The following THRB variants were observed in gnomAD, a reference collection of about 807,000 sequenced individuals.
THRB encodes nuclear receptor subfamily 1 group A member 2.
A neutral mutation model predicts 47.8 loss-of-function variants in THRB; 12 were observed. That is an observed-to-expected ratio of 0.25 (90% CI 0.16 to 0.41). THRB has a LOEUF of 0.41. Ranked by LOEUF, THRB falls within the 10% of genes least tolerant of loss-of-function variation. The probability of loss-of-function intolerance (pLI) is 1.00; values close to 1 mark genes in which losing one functional copy is unlikely to be tolerated. For synonymous variants in THRB, 218 were observed against 212.2 expected (o/e 1.03, Z -0.24); for missense variants, 348 against 589.2 (o/e 0.59, Z 4.24).
chr3:24,261,342 T>C (rs1182386405), intron 3 of THRB, among the ~76,000 whole-genome samples: 1 of 151,736 alleles, frequency 6.6e-6, no homozygotes, highest in Non-Finnish European at 1.5e-5. Flanking sequence ...CTACTAAAAA[T>C]ACAAAAATTA....
intron 1 of THRB, among the ~76,000 whole-genome samples, chr3:24,488,182 T>C (rs1418093953): frequency 1.3e-5 from 2 of 152,256 alleles, no homozygotes; most frequent in Admixed American, 1.3e-4. Context: ...GTCCACACTT[T>C]TGTTTTAATA....
At chr3:24,140,592 T>C (rs1469771871) in intron 8 of THRB, among the ~76,000 whole-genome samples, 1 of 152,186 alleles carries the variant, frequency 6.6e-6, no homozygotes, top group Non-Finnish European at 1.5e-5. Context: ...TTTTTTAATA[T>C]ATAGTCAACT....
chr3:24,455,933 AT>A (rs759768299), intron 1 of THRB, among the ~76,000 whole-genome samples: 2 of 152,184 alleles, frequency 1.3e-5, no homozygotes, highest in Non-Finnish European at 2.9e-5. Context: ...TTTTTAAAGC[AT>A]TTTATCAGCT....
At chr3:24,331,493 A>C (rs894982065) in intron 2 of THRB, among the ~76,000 whole-genome samples, 1 of 152,136 alleles carries the variant, frequency 6.6e-6, no homozygotes, top group Non-Finnish European at 1.5e-5. Flanking sequence ...TTCTCTTTCA[A>C]AGCCTGTAAT....
chr3:24,391,972 T>C (rs555752327), intron 1 of THRB, among the ~76,000 whole-genome samples: 1 of 152,316 alleles, frequency 6.6e-6, no homozygotes, highest in East Asian at 1.9e-4. Context: ...GAAATTGGCA[T>C]GCTCACAATC....
chr3:24,265,841 G>A (rs745820104), intron 3 of THRB, among the ~76,000 whole-genome samples: 1 of 152,038 alleles, frequency 6.6e-6, no homozygotes, highest in Non-Finnish European at 1.5e-5. Context: ...ACTGTTAGAG[G>A]AAAGACAAGC....
chr3:24,400,328 T>C (rs1367951002), intron 1 of THRB, among the ~76,000 whole-genome samples: 1 of 152,096 alleles, frequency 6.6e-6, no homozygotes, highest in Non-Finnish European at 1.5e-5. Flanking sequence ...ACCACTTTAG[T>C]GGAAACAAAG....
chr3:24,166,404 T>C (rs1239451530), intron 5 of THRB, among the ~76,000 whole-genome samples: 1 of 152,150 alleles, frequency 6.6e-6, no homozygotes, highest in African/African-American at 2.4e-5. Flanking sequence ...AAATCTGCTT[T>C]TGAGATTATT....
rs1026533170 is a variant in THRB at position 24,210,410 on chromosome 3, G to T, written c.22+18528C>A. ...CTCACCCAGGTTGGTTTATTTGTTT[G>T]TTTTTTTTTTTTGCTTCTGTGGGGC... On this transcript the variant is annotated intron_variant, in intron 4 of 10. Transcript: ENST00000646209. Among the ~76,000 whole-genome samples the T allele has an allele frequency of 6.1e-3, 857 of 141,558 alleles. 8 individuals carry two copies. The highest frequency in any genetic ancestry group is 0.044 in the South Asian group (192 of 4,390). 92.9% of individuals were successfully genotyped at this position (141,558 alleles called of 152,430 possible).
chr3:24,196,829 T>A (rs1442517124), intron 4 of THRB, among the ~76,000 whole-genome samples: 1 of 152,244 alleles, frequency 6.6e-6, no homozygotes, highest in Non-Finnish European at 1.5e-5. Flanking sequence ...ACCATCATTT[T>A]ATCTGGCTTG....
At chr3:24,283,327 A>G (rs952877833) in intron 3 of THRB, among the ~76,000 whole-genome samples, 12 of 152,226 alleles carry the variant, frequency 7.9e-5, no homozygotes, top group Admixed American at 2.6e-4. Context: ...AACCAAAGAC[A>G]AAAACCACGT....
intron 9 of THRB, among the ~76,000 whole-genome samples, chr3:24,129,107 A>T (rs1004040200): frequency 6.6e-6 from 1 of 152,126 alleles, no homozygotes; most frequent in Non-Finnish European, 1.5e-5. Context: ...TCACTTTACC[A>T]TTTAATTTCA....
intron 1 of THRB, among the ~76,000 whole-genome samples, chr3:24,351,689 C>T (rs1018422852): frequency 6.6e-6 from 1 of 151,986 alleles, no homozygotes; most frequent in African/African-American, 2.4e-5. Context: ...GTAAATCAGT[C>T]AGAGCAGAGA....
intron 4 of THRB, among the ~76,000 whole-genome samples, chr3:24,228,400 A>C (rs1002877455): frequency 6.6e-6 from 1 of 152,164 alleles, no homozygotes; most frequent in Admixed American, 6.6e-5. Context: ...TAAACAGCCA[A>C]CTTCTGAAAA....
chr3:24,299,765 G>GTTT (rs1559869214), intron 2 of THRB, among the ~76,000 whole-genome samples: 13 of 46,702 alleles, frequency 2.8e-4, no homozygotes, highest in Admixed American at 7.8e-4. Context: ...GGGGAAGTAT[G>GTTT]CTTTTTTATT....
At chr3:24,261,524 A>AAAAAAAC (rs1345656571) in intron 3 of THRB, among the ~76,000 whole-genome samples, 2 of 151,534 alleles carry the variant, frequency 1.3e-5, no homozygotes, top group African/African-American at 4.9e-5. Flanking sequence ...AAAAACCAAA[A>AAAAAAAC]AAAACTCTCT....
intron 1 of THRB, among the ~76,000 whole-genome samples, chr3:24,400,747 T>G (rs182493173): frequency 1.3e-5 from 2 of 152,116 alleles, no homozygotes; most frequent in Admixed American, 1.3e-4. Flanking sequence ...GCTAAATGGC[T>G]AGATCAGATG....
At chr3:24,158,575 C>T (rs2038261535) in intron 5 of THRB, among the ~76,000 whole-genome samples, 1 of 152,006 alleles carries the variant, frequency 6.6e-6, no homozygotes, top group Non-Finnish European at 1.5e-5. Context: ...ATTACAGGTG[C>T]CTGCCACCAC....
At chr3:24,471,460 A>T (rs1432184012) in intron 1 of THRB, among the ~76,000 whole-genome samples, 1 of 152,230 alleles carries the variant, frequency 6.6e-6, no homozygotes, top group Non-Finnish European at 1.5e-5. Context: ...TTGGGCCTCC[A>T]ACATATATCT....
Sources: allele counts gnomAD v4.1 joint callset (sites outside exome capture counted in the v4.1 genomes callset), GRCh38; gene constraint gnomAD v4.1.1; transcripts MANE v1.5; gene names NCBI Gene and HGNC (gene_info 2026-07-23, HGNC 2026-07-21).